The following FRMPD4 variants were observed in gnomAD, a reference collection of about 807,000 sequenced individuals.
The protein encoded by FRMPD4 is FERM and PDZ domain containing 4, also known as FERM and PDZ domain-containing protein 4.
FRMPD4 carries 22 observed loss-of-function variants against 94.1 expected under a neutral mutation model. That is an observed-to-expected ratio of 0.23 (90% CI 0.17 to 0.33). The LOEUF (loss-of-function observed/expected upper bound fraction) is 0.33. Among genes scored for constraint, FRMPD4 ranks in the 10% least tolerant of loss-of-function variants. FRMPD4 has a pLI of 1.00. For missense variants in FRMPD4, 1,111 were observed against 1,339.9 expected, an observed-to-expected ratio of 0.83 and a Z score of 2.67; for synonymous variants, 631 against 548.6, an observed-to-expected ratio of 1.15 and a Z score of -2.10.
At chrX:11,899,542 G>A (rs2053922574) in intron 3 of FRMPD4, among the ~76,000 whole-genome samples, 1 of 111,429 alleles carries the variant, frequency 9.0e-6, no homozygotes, top group Non-Finnish European at 1.9e-5. Context: ...ATATGAACAT[G>A]TTTATTTAGC....
At chrX:12,057,825 C>T (rs781064095) in intron 3 of FRMPD4, among the ~76,000 whole-genome samples, 1 of 111,998 alleles carries the variant, frequency 8.9e-6, no homozygotes, top group Non-Finnish European at 1.9e-5. Flanking sequence ...CATTCCCATA[C>T]TTTGCTATTA....
At chrX:12,347,780 G>C (rs185446288) in intron 1 of FRMPD4, among the ~76,000 whole-genome samples, 168 of 111,403 alleles carry the variant, frequency 1.5e-3, no homozygotes, top group Admixed American at 2.1e-3. Context: ...CATCACAGTA[G>C]AAGTCATTAT....
intron 2 of FRMPD4, among the ~76,000 whole-genome samples, chrX:12,605,145 C>G (rs898618245): frequency 8.9e-6 from 1 of 112,151 alleles, no homozygotes; most frequent in Non-Finnish European, 1.9e-5. Flanking sequence ...TCTCACCAAA[C>G]GATCATATCA....
At chrX:12,372,249 G>C (rs1031583751) in intron 1 of FRMPD4, among the ~76,000 whole-genome samples, 2 of 112,675 alleles carry the variant, frequency 1.8e-5, no homozygotes, top group Non-Finnish European at 3.8e-5. Flanking sequence ...TTTGACATTC[G>C]CTAACTTTCA....
At chrX:12,171,526 T>C (rs1230962944) in intron 1 of FRMPD4, among the ~76,000 whole-genome samples, 5 of 111,279 alleles carry the variant, frequency 4.5e-5, no homozygotes, top group Admixed American at 3.8e-4. Flanking sequence ...GCTTGGGGTA[T>C]GTGCTTCTAA....
chrX:12,710,773 GCA>G (rs1569068909), intron 14 of FRMPD4, among the ~76,000 whole-genome samples: 4,130 of 110,612 alleles, frequency 0.037, 220 homozygotes, highest in African/African-American at 0.13. Context: ...GGGCATAGTG[GCA>G]CGCACCTGTA....
chrX:12,256,121 A>G (rs1363929182), intron 1 of FRMPD4, among the ~76,000 whole-genome samples: 2 of 112,014 alleles, frequency 1.8e-5, no homozygotes, highest in African/African-American at 6.5e-5. Flanking sequence ...CATATAGGGT[A>G]GAATATAGGC....
In FRMPD4 at chrX:12,151,170, A is replaced by AT. The variant is rs370416326; in HGVS notation, c.41+12159dup. ...TGGAGTGATATAGAAAGATCTCTGA[A>AT]TACGTTTATTGTTAAGTGAAAATAG... is the stretch of plus-strand genomic sequence containing the variant. On this transcript the variant is annotated intron_variant, in intron 1 of 16. Transcript: ENST00000675598. 6.3e-4 allele frequency among the ~76,000 whole-genome samples: 70 copies of AT among 111,947 alleles called. 1 individual carries two copies. Among genetic ancestry groups the AT allele is most frequent in the African/African-American group, 2.2e-3 (68 of 30,892 alleles).
At chrX:12,238,281 C>T (rs2057092974) in intron 1 of FRMPD4, among the ~76,000 whole-genome samples, 2 of 110,817 alleles carry the variant, frequency 1.8e-5, no homozygotes, top group South Asian at 3.9e-4. Flanking sequence ...TGCACCACCA[C>T]ACCTGGCTAA....
At chrX:12,367,024 T>C (rs1158998243) in intron 1 of FRMPD4, among the ~76,000 whole-genome samples, 1 of 111,470 alleles carries the variant, frequency 9.0e-6, no homozygotes, top group Non-Finnish European at 1.9e-5. Context: ...GACTCTGCAC[T>C]TCAGGCCAGC....
At chrX:12,112,324 A>C (rs1209415000) in intron 3 of FRMPD4, among the ~76,000 whole-genome samples, 2 of 111,217 alleles carry the variant, frequency 1.8e-5, no homozygotes, top group Non-Finnish European at 3.8e-5. Context: ...AGGACAGAAA[A>C]CCAAACACCG....
chrX:12,297,720 C>T (rs760376154), intron 1 of FRMPD4, among the ~76,000 whole-genome samples: 9 of 111,583 alleles, frequency 8.1e-5, no homozygotes, highest in Admixed American at 9.5e-5. Context: ...TGAGAGAGAA[C>T]GAAGCATTGT....
In FRMPD4 at chrX:12,053,428, A is replaced by AAGAAAGAG. The variant is rs1569149860; in HGVS notation, c.95+175413_95+175414insAAGAGAGA. Among the ~76,000 whole-genome samples the AAGAAAGAG allele has an allele frequency of 5.4e-5, 5 of 93,194 alleles. No homozygotes were observed. In the South Asian group the frequency reaches 1.5e-3, roughly 29 times the overall value. The allele number at this position is 93,194 out of a possible 115,157, so 80.9% of individuals were successfully genotyped here. A position where few individuals can be genotyped will look rare whatever the true frequency, so the allele number is the denominator to read the frequency against. ...AAAGAAAGAAAGAAAGAAAGAAAGA[A>AAGAAAGAG]AGAGAAAGAAAGAAGAGAAGAGAAG... On this transcript the variant is annotated intron_variant, in intron 3 of 18. Coordinates refer to the FRMPD4 transcript ENST00000640291.
At chrX:12,560,927 G>A (rs771950160) in intron 2 of FRMPD4, among the ~76,000 whole-genome samples, 154 of 98,549 alleles carry the variant, frequency 1.6e-3, no homozygotes, top group African/African-American at 5.3e-3. Context: ...CCGCCACTAC[G>A]CCCGGCTAAT....
intron 1 of FRMPD4, among the ~76,000 whole-genome samples, chrX:12,450,279 T>C (rs1286322555): frequency 7.2e-5 from 8 of 111,395 alleles, no homozygotes. Flanking sequence ...TAAACAGTGG[T>C]GTTAAAAGAC....
At chrX:11,965,574 A>G (rs1252848226) in intron 3 of FRMPD4, among the ~76,000 whole-genome samples, 1 of 111,829 alleles carries the variant, frequency 8.9e-6, no homozygotes, top group Non-Finnish European at 1.9e-5. Flanking sequence ...TCATTGTCTG[A>G]TTCTGTAAAT....
At chrX:12,577,712 G>A (rs1337185721) in intron 2 of FRMPD4, among the ~76,000 whole-genome samples, 1 of 111,775 alleles carries the variant, frequency 8.9e-6, no homozygotes, top group African/African-American at 3.3e-5. Flanking sequence ...CAAAAGAAAT[G>A]TGCCTGAACA....
chrX:11,853,212 C>T (rs1214977477), intron 1 of FRMPD4, among the ~76,000 whole-genome samples: 1 of 111,599 alleles, frequency 9.0e-6, no homozygotes, highest in Non-Finnish European at 1.9e-5. Flanking sequence ...AAAAAAGATA[C>T]AACATACCAG....
chrX:12,352,189 A>G (rs1168689381), intron 1 of FRMPD4, among the ~76,000 whole-genome samples: 2 of 112,528 alleles, frequency 1.8e-5, no homozygotes, highest in East Asian at 5.5e-4. Flanking sequence ...TCTTTAAAAA[A>G]TTTAATGTCT....
Sources: gnomAD v4.1 joint callset for allele counts (sites outside exome capture counted in the v4.1 genomes callset) on GRCh38, gnomAD v4.1.1 for gene constraint, MANE v1.5 for transcripts, NCBI Gene and HGNC (gene_info 2026-07-23, HGNC 2026-07-21) for gene names.